Variants in LRFN2 observed in about 807,000 individuals in gnomAD.
LRFN2 encodes the protein leucine-rich repeat and fibronectin type-III domain-containing protein 2.
Under a neutral mutation model 37.3 loss-of-function variants are expected in LRFN2, and 18 were observed. That is an observed-to-expected ratio of 0.48 (90% CI 0.33 to 0.72). LRFN2 has a LOEUF of 0.72. Ranked by LOEUF, LRFN2 falls within the 30% of genes least tolerant of loss-of-function variation. The pLI, the probability that LRFN2 is intolerant of heterozygous loss-of-function variation, is 0.02. For synonymous variants in LRFN2, 556 were observed against 466.6 expected (o/e 1.19, Z -2.47); for missense variants, 1,006 against 1,060.7 (o/e 0.95, Z 0.72).
intron 1 of LRFN2, among the ~76,000 whole-genome samples, chr6:40,533,158 G>GTCTCTGTC (rs200626789): frequency 3.3e-5 from 5 of 151,860 alleles, no homozygotes; most frequent in South Asian, 2.1e-4. Context: ...CTCTGCCTCT[G>GTCTCTGTC]TCTCTGTCTC....
chr6:40,580,747 G>A (rs1360959135), intron 1 of LRFN2, among the ~76,000 whole-genome samples: 4 of 152,216 alleles, frequency 2.6e-5, no homozygotes, highest in Non-Finnish European at 5.9e-5. Flanking sequence ...AGCCAGTGCA[G>A]TGGAAAAAGG....
intron 1 of LRFN2, among the ~76,000 whole-genome samples, chr6:40,519,338 G>A (rs1765981166): frequency 6.6e-6 from 1 of 152,156 alleles, no homozygotes. Context: ...CTCAAACACT[G>A]GTATGGTCCC....
At chr6:40,486,248 G>A (rs1367205108) in intron 1 of LRFN2, among the ~76,000 whole-genome samples, 1 of 152,178 alleles carries the variant, frequency 6.6e-6, no homozygotes, top group Non-Finnish European at 1.5e-5. Flanking sequence ...TGAGGTCTGA[G>A]GGGAGATAGT....
chr6:40,549,697 G>T (rs1218378665), intron 1 of LRFN2, among the ~76,000 whole-genome samples: 1 of 151,478 alleles, frequency 6.6e-6, no homozygotes, highest in African/African-American at 2.4e-5. Flanking sequence ...ATAAGATTGG[G>T]CTCACCAGGA....
Position 40,432,704 on chromosome 6 carries a change from C to T in LRFN2, c.410G>A (p.Gly137Asp). 6.2e-7 allele frequency: 1 copy of T among 1,614,154 alleles called. No individual in the cohort carries two copies. The highest frequency in any genetic ancestry group is 8.5e-7 in the Non-Finnish European group (1 of 1,180,044). The stretch of plus-strand genomic sequence containing the variant: ...CTCAAAAGCCTCATCTGCGATGCCG[C>T]CCAGCTGGTTGTTGTTCACGATAAG... ...QHLIVNNNQL[G>D]GIADEAFEDF... The change falls in exon 2 of 3, where the codon GGC becomes GAC. Residue 137 changes from glycine to aspartate, a missense_variant. Gly to Asp is a moderately conservative substitution (Grantham distance 94). Coordinates refer to ENST00000338305, the MANE Select transcript of LRFN2 (RefSeq NM_020737.3).
At chr6:40,576,652 T>C (rs887217061) in intron 1 of LRFN2, among the ~76,000 whole-genome samples, 1 of 152,168 alleles carries the variant, frequency 6.6e-6, no homozygotes, top group Non-Finnish European at 1.5e-5. Context: ...CAAATTTACA[T>C]GGCCTGAGAT....
chr6:40,582,589 G>A (rs2473593), intron 1 of LRFN2, among the ~76,000 whole-genome samples: 68,772 of 151,408 alleles, frequency 0.45, 15,974 homozygotes, highest in Middle Eastern at 0.56. Context: ...ATTCAAAAAA[G>A]CAGGCCCAGA....
rs766641009 is a variant in LRFN2, at chr6:40,432,492, G to A, written c.622C>T (p.Arg208Trp). ...GGATCAGGGGGCAGCTTCTGCAGCC[G>A]ATTGGAGGTGAGATCCAGGCGGGCC... ...KLARLDLTSNRLQKLPPDPIF... is the reference protein window; with the variant it reads ...KLARLDLTSNWLQKLPPDPIF... The change falls in exon 2 of 3, where the codon CGG becomes TGG. Residue 208 changes from arginine (R) to tryptophan (W), a missense_variant. Arg to Trp is a moderately radical substitution (Grantham distance 101). Transcript: ENST00000338305. 8 of 1,614,232 alleles carry A rather than the reference G, an allele frequency of 5.0e-6. No individual in the cohort carries two copies. The highest frequency in any genetic ancestry group is 4.4e-5 in the South Asian group (4 of 91,080).
At chr6:40,428,303 T>C (rs1763400518) in intron 2 of LRFN2, among the ~76,000 whole-genome samples, 1 of 152,222 alleles carries the variant, frequency 6.6e-6, no homozygotes, top group Non-Finnish European at 1.5e-5. Context: ...TTTTTTCTTC[T>C]TGGACATAAA....
At chr6:40,441,178 G>A (rs561911180) in intron 1 of LRFN2, among the ~76,000 whole-genome samples, 20 of 152,158 alleles carry the variant, frequency 1.3e-4, no homozygotes, top group African/African-American at 3.9e-4. Context: ...GGGTATTCAC[G>A]ACCTGGGCTG....
rs990936532 is a variant in LRFN2, at chr6:40,401,768, T to C, written c.1401-8856A>G. Among the ~76,000 whole-genome samples the C allele has an allele frequency of 2.0e-5, 3 of 152,130 alleles. No homozygotes were observed. In the East Asian group the frequency reaches 5.8e-4, roughly 29 times the overall value. ...TTGTCAACAAATACCACCTCTTGTA[T>C]CTGCATAATTCCTCCAGCCTCCAGC... is the stretch of plus-strand genomic sequence containing the variant. On this transcript the variant is annotated intron_variant, in intron 2 of 2. Transcript: ENST00000338305.
intron 1 of LRFN2, among the ~76,000 whole-genome samples, chr6:40,562,870 C>T (rs564572383): frequency 1.3e-5 from 2 of 151,314 alleles, no homozygotes; most frequent in South Asian, 4.2e-4. Context: ...CACACACACA[C>T]TCTATTATCC....
At chr6:40,544,371 CTG>C (rs1766615111) in intron 1 of LRFN2, among the ~76,000 whole-genome samples, 1 of 152,206 alleles carries the variant, frequency 6.6e-6, no homozygotes, top group African/African-American at 2.4e-5. Context: ...CACTGTGAAG[CTG>C]TGATATAAGC....
chr6:40,432,076 G>A lies in LRFN2; in HGVS notation c.1038C>T (p.Ile346=). Residue 346 remains isoleucine, a synonymous_variant, in exon 2 of 3, where the codon ATC becomes ATT. Coordinates refer to ENST00000338305, the MANE Select transcript of LRFN2 (RefSeq NM_020737.3). ...CACTGTCCTGAGATGTGGTGATGAA[G>A]ATGTCCAGGGTGCCATTGTCATAGA... is the stretch of plus-strand genomic sequence containing the variant. The part of the protein sequence containing the change: ...TAVYDNGTLD[I]FITTSQDSGA... The A allele has an allele frequency of 6.2e-7, 1 of 1,614,112 alleles. No individual in the cohort carries two copies. The highest frequency in any genetic ancestry group is 2.2e-5 in the East Asian group (1 of 44,884).
chr6:40,396,337 ACCCCT>A (rs1762613581), intron 2 of LRFN2, among the ~76,000 whole-genome samples: 2 of 152,050 alleles, frequency 1.3e-5, no homozygotes, highest in South Asian at 4.2e-4. Context: ...TCCGCACCTG[ACCCCT>A]GGGTCATGCT....
intron 1 of LRFN2, among the ~76,000 whole-genome samples, chr6:40,532,056 C>T (rs1352239785): frequency 6.6e-6 from 1 of 152,362 alleles, no homozygotes; most frequent in Non-Finnish European, 1.5e-5. Flanking sequence ...ACCCCACCTA[C>T]CTTTCCAATC....
chr6:40,500,250 G>A (rs1373745338), intron 1 of LRFN2, among the ~76,000 whole-genome samples: 1 of 152,242 alleles, frequency 6.6e-6, no homozygotes, highest in Non-Finnish European at 1.5e-5. Context: ...TGTGTCCCAG[G>A]GGAAGGCCCC....
chr6:40,454,956 T>C (rs552325847), intron 1 of LRFN2, among the ~76,000 whole-genome samples: 2 of 152,310 alleles, frequency 1.3e-5, no homozygotes, highest in Middle Eastern at 3.4e-3. Flanking sequence ...TGTCGATGTA[T>C]AAGCCAGAAA....
intron 1 of LRFN2, among the ~76,000 whole-genome samples, chr6:40,515,664 G>A (rs748829296): frequency 6.6e-5 from 10 of 152,258 alleles, no homozygotes; most frequent in South Asian, 2.1e-4. Context: ...CAAGGCGGGC[G>A]GATTGCCTGA....
Sources: allele counts gnomAD v4.1 joint callset (sites outside exome capture counted in the v4.1 genomes callset), GRCh38; gene constraint gnomAD v4.1.1; transcripts MANE v1.5; gene names NCBI Gene and HGNC (gene_info 2026-07-23, HGNC 2026-07-21).